Variants in EFCAB7 observed in about 807,000 individuals in gnomAD.
EFCAB7 encodes EF-hand calcium-binding domain-containing protein 7.
EFCAB7 carries 66 observed loss-of-function variants against 77.1 expected under a neutral mutation model. The observed-to-expected ratio is 0.86, with a 90% CI of 0.70 to 1.05. The LOEUF (loss-of-function observed/expected upper bound fraction) is 1.05, where lower values mean the gene tolerates loss of function less well. Among genes scored for constraint, EFCAB7 ranks in the 50% least tolerant of loss-of-function variants. The pLI, the probability that EFCAB7 is intolerant of heterozygous loss-of-function variation, is 0.00. For synonymous variants in EFCAB7, 225 were observed against 243.3 expected, an observed-to-expected ratio of 0.92 and a Z score of 0.70; for missense variants, 638 against 730.5, an observed-to-expected ratio of 0.87 and a Z score of 1.46.
At chr1:63,565,399 G>T in intron 11 of EFCAB7, among the ~76,000 whole-genome samples, 1 of 151,446 alleles carries the variant, frequency 6.6e-6, no homozygotes, top group African/African-American at 2.4e-5. Flanking sequence ...TTAAGATAAA[G>T]ACTGAAATGT....
downstream of EFCAB7, among the ~76,000 whole-genome samples, chr1:63,577,656 C>T (rs1647462549): frequency 6.6e-6 from 1 of 152,188 alleles, no homozygotes; most frequent in South Asian, 2.1e-4. Context: ...GTATCTATTA[C>T]ATATTAATTA....
chr1:63,541,644 A>AACCTCCGCCTCCCGGTTTCAAGGAC (rs1553171030), intron 6 of EFCAB7, among the ~76,000 whole-genome samples: 1 of 151,886 alleles, frequency 6.6e-6, no homozygotes, highest in Non-Finnish European at 1.5e-5. Flanking sequence ...AGCTCACTGC[A>AACCTCCGCCTCCCGGTTTCAAGGAC]ACCTCCGCCT....
rs117622433 is a variant in EFCAB7 at position 63,554,377 on chromosome 1, A to G, written c.1057-981A>G. ...TGTTTTTGAGACAGAGTCTCGTTCT[A>G]TCACTCAGGCTAGAGTACAATGGCA... On this transcript the variant is annotated intron_variant, in intron 8 of 13. Coordinates refer to ENST00000371088, the MANE Select transcript of EFCAB7 (RefSeq NM_032437.4). Among the ~76,000 whole-genome samples the G allele has an allele frequency of 3.1e-3, 475 of 152,164 alleles. 8 individuals are homozygous for G. The East Asian group carries it at 0.054, about 17-fold the overall frequency.
intron 11 of EFCAB7, among the ~76,000 whole-genome samples, chr1:63,567,274 G>A (rs886573037): frequency 1.3e-5 from 2 of 152,142 alleles, no homozygotes; most frequent in South Asian, 4.1e-4. Flanking sequence ...TCAACATGGT[G>A]AAACCTTGTC....
At chr1:63,572,215 TCA>T (rs1647282503) in intron 13 of EFCAB7, among the ~76,000 whole-genome samples, 1 of 152,294 alleles carries the variant, frequency 6.6e-6, no homozygotes, top group Non-Finnish European at 1.5e-5. Flanking sequence ...TTACCCACAT[TCA>T]CACACACCAA....
rs746403550 is a variant in EFCAB7, at chr1:63,571,006, AT to A, written c.1708-14del. 4.7e-5 allele frequency: 74 copies of A among 1,559,376 alleles called. 2 individuals carry two copies. In the South Asian group the frequency reaches 8.3e-4, roughly 17 times the overall value. On this transcript the variant is annotated splice_polypyrimidine_tract_variant and intron_variant, in intron 12 of 13. Transcript: ENST00000371088. ...AAAGAAAGGAATAGCAGCTTATGAA[AT>A]CTTTTTTTAATAGTCAGATGAGAAA...
intron 6 of EFCAB7, among the ~76,000 whole-genome samples, chr1:63,537,367 A>G (rs1156960814): frequency 6.6e-6 from 1 of 152,186 alleles, no homozygotes; most frequent in East Asian, 1.9e-4. Context: ...TGTTTTATTC[A>G]TATATAGTAC....
At chr1:63,552,324 C>T (rs1431700382) in intron 8 of EFCAB7, among the ~76,000 whole-genome samples, 1 of 152,150 alleles carries the variant, frequency 6.6e-6, no homozygotes, top group African/African-American at 2.4e-5. Context: ...ACCTTACTTT[C>T]ATCTTTTCTA....
Position 63,571,054 on chromosome 1 carries a change from G to A in EFCAB7, c.1741G>A (p.Glu581Lys). 1.2e-6 allele frequency: 2 copies of A among 1,612,360 alleles called. No homozygotes were observed. The highest frequency in any genetic ancestry group is 1.7e-6 in the Non-Finnish European group (2 of 1,179,320). ...GAAAGTGATTATTCACATCAGCAAT[G>A]AGCTAAGTAAAAACTGCATAAACAA... ...DEKVIIHISN[E>K]LSKNCINNRG... The change falls in exon 13 of 14, where the codon GAG becomes AAG. Residue 581 changes from glutamate (E) to lysine (K), a missense_variant. Transcript: ENST00000371088.
intron 9 of EFCAB7, among the ~76,000 whole-genome samples, chr1:63,556,168 A>G (rs2100911332): frequency 6.6e-6 from 1 of 152,260 alleles, no homozygotes; most frequent in East Asian, 1.9e-4. Context: ...TGATAAGAGG[A>G]ATAAGTTCAG....
chr1:63,536,933 A>C (rs1646770279), intron 6 of EFCAB7, among the ~76,000 whole-genome samples: 1 of 152,198 alleles, frequency 6.6e-6, no homozygotes. Flanking sequence ...GGGTATCTCA[A>C]CTTCATGTGG....
chr1:63,557,098 AT>A lies in EFCAB7; in HGVS notation c.1215-11del. ...CCTTAGTGACAAGAAATAACTAGCT[AT>A]TTTTATAATTTTAGGTCTACTTTAT... On this transcript the variant is annotated splice_polypyrimidine_tract_variant and intron_variant, in intron 9 of 13. Transcript: ENST00000371088. 6.5e-7 allele frequency: 1 copy of A among 1,546,004 alleles called. No homozygotes were observed. The highest frequency in any genetic ancestry group is 8.7e-7 in the Non-Finnish European group (1 of 1,152,112).
At position 63,525,732 on chromosome 1, in the gene EFCAB7, A is replaced by T. The variant is rs745555541; in HGVS notation, c.160A>T (p.Ile54Phe). The change falls in exon 2 of 14, where the codon ATT becomes TTT. Residue 54 changes from isoleucine to phenylalanine, a missense_variant. Physicochemically the swap from Ile to Phe is conservative, Grantham distance 21. Coordinates refer to ENST00000371088, the MANE Select transcript of EFCAB7 (RefSeq NM_032437.4). ...LTVFKSSLEN[I>F]ISKDQLYLAL... ...TGTCTTCAAAAGCAGCTTGGAAAACATTATTTCTAAAGATCAACTTTACTT... is the reference window on the plus strand; with the variant it reads ...TGTCTTCAAAAGCAGCTTGGAAAACTTTATTTCTAAAGATCAACTTTACTT... 1 of 1,569,088 alleles carries T rather than the reference A, an allele frequency of 6.4e-7. No homozygotes were observed. The highest frequency in any genetic ancestry group is 8.6e-7 in the Non-Finnish European group (1 of 1,168,238).
At chr1:63,539,723 T>G (rs1646805751) in intron 6 of EFCAB7, among the ~76,000 whole-genome samples, 1 of 152,200 alleles carries the variant, frequency 6.6e-6, no homozygotes, top group Non-Finnish European at 1.5e-5. Context: ...TTCTAAAGTA[T>G]TATCCTTTAC....
chr1:63,562,099 G>A (rs998804498), intron 11 of EFCAB7, among the ~76,000 whole-genome samples: 2 of 151,904 alleles, frequency 1.3e-5, no homozygotes, highest in Non-Finnish European at 2.9e-5. Flanking sequence ...CATATAATAT[G>A]CAGGAAAAAA....
intron 7 of EFCAB7, chr1:63,547,352 A>T (rs1646911437): frequency 6.6e-6 from 1 of 152,216 alleles, no homozygotes; most frequent in African/African-American, 2.4e-5. Context: ...GCCCTCGTCA[A>T]CTTAAATTTT....
intron 2 of EFCAB7, among the ~76,000 whole-genome samples, chr1:63,530,146 T>C (rs1646670190): frequency 6.6e-6 from 1 of 152,226 alleles, no homozygotes; most frequent in Non-Finnish European, 1.5e-5. Context: ...CTGACTCACT[T>C]ATATCTGTAT....
chr1:63,558,605 T>C (rs540453690), intron 10 of EFCAB7, among the ~76,000 whole-genome samples: 1 of 152,290 alleles, frequency 6.6e-6, no homozygotes, highest in African/African-American at 2.4e-5. Flanking sequence ...CCAACATTAA[T>C]AATATTGCAA....
Position 63,534,169 on chromosome 1 carries a change from G to A in EFCAB7, c.757G>A (p.Ala253Thr). 5 of 1,612,988 alleles carry A rather than the reference G, an allele frequency of 3.1e-6. No individual in the cohort carries two copies. The highest frequency in any genetic ancestry group is 4.2e-6 in the Non-Finnish European group (5 of 1,179,296). ...TSVSFTVTMG[A>T]NGNRNSKLME... ...TGTTTCCTTCACAGTTACCATGGGG[G>A]CTAATGGTAACCGAAACTCAAAGTT... The change falls in exon 6 of 14, where the codon GCT becomes ACT. Residue 253 changes from alanine to threonine, a missense_variant. Transcript: ENST00000371088.
Sources: allele counts gnomAD v4.1 joint callset (sites outside exome capture counted in the v4.1 genomes callset), GRCh38; gene constraint gnomAD v4.1.1; transcripts MANE v1.5; gene names NCBI Gene and HGNC (gene_info 2026-07-23, HGNC 2026-07-21).